Variants in BCAS3 observed in about 807,000 individuals in gnomAD.
BCAS3 encodes the protein BCAS3 microtubule associated cell migration factor, also known as BCAS4/BCAS3 fusion.
In BCAS3, 53 loss-of-function variants were observed where a neutral mutation model predicts 116.1. The observed-to-expected ratio is 0.46, with a 90% CI of 0.37 to 0.57. The LOEUF (loss-of-function observed/expected upper bound fraction) is 0.57. Ranked by LOEUF, BCAS3 falls within the 20% of genes least tolerant of loss-of-function variation. The pLI is 0.00. For synonymous variants in BCAS3, 391 were observed against 408.2 expected, an observed-to-expected ratio of 0.96 and a Z score of 0.51; for missense variants, 917 against 1,165.4, an observed-to-expected ratio of 0.79 and a Z score of 3.10.
intron 7 of BCAS3, among the ~76,000 whole-genome samples, chr17:60,858,710 A>C (rs942652212): frequency 3.9e-5 from 6 of 152,148 alleles, no homozygotes; most frequent in African/African-American, 1.4e-4. Flanking sequence ...TCCAGCAGTA[A>C]TGTGTGAGGG....
rs2082411248 is a variant in BCAS3 at position 61,227,126 on chromosome 17, A to G, written c.2426-141201A>G. ...TTAAGCTGATGTTACGCGGTTAGCC[A>G]GAATGAACTGATTTTGGCTAGAGCC... is the stretch of plus-strand genomic sequence containing the variant. On this transcript the variant is annotated intron_variant, in intron 22 of 23. Transcript: ENST00000407086. This position sits in a 1 kb window ranked among gnomAD's most constrained non-coding sequence, Gnocchi z 6.1. 6.6e-6 allele frequency among the ~76,000 whole-genome samples: 1 copy of G among 152,222 alleles called. No homozygotes were observed. The highest frequency in any genetic ancestry group is 1.5e-5 in the Non-Finnish European group (1 of 68,036).
At position 61,279,097 on chromosome 17, in the gene BCAS3, C is replaced by T. The variant is rs1455507463; in HGVS notation, c.2426-89230C>T. Among the ~76,000 whole-genome samples the T allele has an allele frequency of 6.6e-6, 1 of 151,942 alleles. No homozygotes were observed. Among genetic ancestry groups the T allele is most frequent in the Non-Finnish European group, 1.5e-5 (1 of 67,998 alleles). ...GAGTAGCTGGGATTACAGGCATGTG[C>T]CACCATGCCTGGCTAATTTTTGTAT... On this transcript the variant is annotated intron_variant, in intron 22 of 23. Transcript: ENST00000407086. This position sits in a 1 kb window ranked among gnomAD's most constrained non-coding sequence, Gnocchi z 4.4.
intron 6 of BCAS3, among the ~76,000 whole-genome samples, chr17:60,770,773 CTG>C (rs1457364109): frequency 4.1e-5 from 6 of 147,470 alleles, no homozygotes; most frequent in African/African-American, 1.5e-4. Flanking sequence ...TGGTTCCTCT[CTG>C]TGGAGGAGGT....
chr17:61,071,359 A>G (rs2071410955), intron 19 of BCAS3, among the ~76,000 whole-genome samples: 1 of 152,216 alleles, frequency 6.6e-6, no homozygotes. Flanking sequence ...TTAAAGAATA[A>G]TGTAGATTCT....
chr17:60,893,502 T>A (rs960991868), intron 10 of BCAS3, among the ~76,000 whole-genome samples: 1 of 152,074 alleles, frequency 6.6e-6, no homozygotes, highest in Admixed American at 6.5e-5. Flanking sequence ...GTGTCCCTTC[T>A]CCATTGTGTA....
intron 6 of BCAS3, among the ~76,000 whole-genome samples, chr17:60,764,390 G>A (rs1257667901): frequency 6.6e-6 from 1 of 152,100 alleles, no homozygotes; most frequent in Non-Finnish European, 1.5e-5. Context: ...ATTCTTGTAT[G>A]TTGTGTCTTT....
intron 22 of BCAS3, among the ~76,000 whole-genome samples, chr17:61,138,750 A>G (rs1285790353): frequency 6.6e-6 from 1 of 152,176 alleles, no homozygotes; most frequent in African/African-American, 2.4e-5. Context: ...TTGGCTCTTG[A>G]TCCAAATGAC....
intron 7 of BCAS3, among the ~76,000 whole-genome samples, chr17:60,859,422 A>G (rs899172460): frequency 6.6e-6 from 1 of 151,992 alleles, no homozygotes; most frequent in Admixed American, 6.6e-5. Flanking sequence ...TTTAGCTCCC[A>G]CTTAGAAGTG....
rs185380961 is a variant in BCAS3 at position 61,382,346 on chromosome 17, C to T, written c.2594-9631C>T. On this transcript the variant is annotated intron_variant, in intron 23 of 23. Coordinates refer to ENST00000407086, the MANE Select transcript of BCAS3 (RefSeq NM_017679.5). Reference sequence around the variant, plus strand: ...CACGACCTCAGCTCACTGCAATGTCCGCCTCCCAGGTTCAAGGGATTCTCC... The same window carrying T: ...CACGACCTCAGCTCACTGCAATGTCTGCCTCCCAGGTTCAAGGGATTCTCC... Among the ~76,000 whole-genome samples, 82 of 151,346 alleles carry T rather than the reference C, an allele frequency of 5.4e-4. 1 individual carries two copies. Among genetic ancestry groups the T allele is most frequent in the South Asian group, 3.6e-3 (17 of 4,766 alleles).
chr17:60,723,438 C>T (rs1317327260), intron 5 of BCAS3, among the ~76,000 whole-genome samples: 1 of 152,004 alleles, frequency 6.6e-6, no homozygotes, highest in Non-Finnish European at 1.5e-5. Flanking sequence ...GTTGGCCAGG[C>T]TCTTCTCAAA....
Position 61,176,561 on chromosome 17 carries a change from T to G in BCAS3, c.2425+91997T>G, listed in dbSNP as rs138574404. Among the ~76,000 whole-genome samples the G allele has an allele frequency of 8.1e-3, 1,129 of 138,666 alleles. 8 individuals carry two copies. Among genetic ancestry groups the G allele is most frequent in the African/African-American group, 0.028 (1,023 of 36,462 alleles). 91.0% of individuals were successfully genotyped at this position (138,666 alleles called of 152,430 possible). A position where few individuals can be genotyped will look rare whatever the true frequency, so the allele number is the denominator to read the frequency against. On this transcript the variant is annotated intron_variant, in intron 22 of 23. Coordinates refer to ENST00000407086, the MANE Select transcript of BCAS3 (RefSeq NM_017679.5). ...TTTATTTATTTATTTATTTATTTAT[T>G]TATTTATGTATTTAGAGAGATGGTC...
chr17:60,851,187 C>T (rs935516465), intron 7 of BCAS3, among the ~76,000 whole-genome samples: 3 of 152,146 alleles, frequency 2.0e-5, no homozygotes, highest in Non-Finnish European at 2.9e-5. Flanking sequence ...GTGAAAGACA[C>T]GTCTGACTAA....
Position 61,084,481 on chromosome 17 carries a change from G to A in BCAS3, c.2342G>A (p.Arg781His), listed in dbSNP as rs1327255415. 6.8e-6 allele frequency: 11 copies of A among 1,613,602 alleles called. No homozygotes were observed. The highest frequency in any genetic ancestry group is 3.3e-5 in the South Asian group (3 of 91,014). The change falls in exon 22 of 24, where the codon CGC becomes CAC. Residue 781 changes from arginine to histidine, a missense_variant. Coordinates refer to ENST00000407086, the MANE Select transcript of BCAS3 (RefSeq NM_017679.5). This position sits in a 1 kb window ranked among gnomAD's most constrained non-coding sequence, Gnocchi z 5.5. ...DLNSLRIQPV[R>H]SDPVSMPGSS... ...TTGCATTGCAGGATCCAGCCAGTCC[G>A]CTCTGACCCCGTCAGCATGCCAGGG...
At chr17:61,170,812 A>G (rs2078800900) in intron 22 of BCAS3, among the ~76,000 whole-genome samples, 1 of 152,144 alleles carries the variant, frequency 6.6e-6, no homozygotes, top group African/African-American at 2.4e-5. Context: ...CTCACAGGGC[A>G]GAGTCCCCGA....
At chr17:60,825,568 A>T (rs2050333603) in intron 7 of BCAS3, among the ~76,000 whole-genome samples, 2 of 142,272 alleles carry the variant, frequency 1.4e-5, no homozygotes, top group South Asian at 4.3e-4. Context: ...ATTTATAAAT[A>T]ATTATTATTT....
At chr17:60,764,032 C>A (rs935593048) in intron 6 of BCAS3, among the ~76,000 whole-genome samples, 4 of 152,148 alleles carry the variant, frequency 2.6e-5, no homozygotes, top group African/African-American at 9.6e-5. Context: ...TCTGTGGGAT[C>A]GCTGGTGAGA....
Position 61,034,580 on chromosome 17 carries a change from T to G in BCAS3, c.1638-86T>G. 2 of 1,245,294 alleles carry G rather than the reference T, an allele frequency of 1.6e-6. No homozygotes were observed. The highest frequency in any genetic ancestry group is 2.2e-6 in the Non-Finnish European group (2 of 905,400). The allele number at this position is 1,245,294 out of a possible 1,614,324, so 77.1% of individuals were successfully genotyped here. A position where few individuals can be genotyped will look rare whatever the true frequency, so the allele number is the denominator to read the frequency against. ...TCATACTGGAGGATTTGAATAGGGG[T>G]GGAATTTAAAGGAAAAACTGTCATT... On this transcript the variant is annotated intron_variant, in intron 16 of 23. Coordinates refer to ENST00000407086, the MANE Select transcript of BCAS3 (RefSeq NM_017679.5). The surrounding 1 kb of genome is among the most constrained non-coding windows in gnomAD (Gnocchi z 5.0).
At chr17:61,157,095 T>C (rs970715528) in intron 22 of BCAS3, among the ~76,000 whole-genome samples, 1 of 152,206 alleles carries the variant, frequency 6.6e-6, no homozygotes, top group African/African-American at 2.4e-5. Context: ...GGATTAATTT[T>C]AACTTTTCTT....
rs887273882 is a variant in BCAS3, at chr17:61,265,619, G to A, written c.2426-102708G>A. Reference sequence around the variant, plus strand: ...CTTTACGTAAGGATTGCCAATTCATGCCCAAACTTAGTGAAGCAAGCTCAC... The same window carrying A: ...CTTTACGTAAGGATTGCCAATTCATACCCAAACTTAGTGAAGCAAGCTCAC... On this transcript the variant is annotated intron_variant, in intron 22 of 23. Transcript: ENST00000407086. This position sits in a 1 kb window ranked among gnomAD's most constrained non-coding sequence, Gnocchi z 4.3. Among the ~76,000 whole-genome samples the A allele has an allele frequency of 6.6e-6, 1 of 152,146 alleles. No homozygotes were observed. The highest frequency in any genetic ancestry group is 1.5e-5 in the Non-Finnish European group (1 of 68,022).
Sources: allele counts gnomAD v4.1 joint callset (sites outside exome capture counted in the v4.1 genomes callset), GRCh38; gene constraint gnomAD v4.1.1; non-coding constraint Gnocchi (gnomAD v3.1); transcripts MANE v1.5; gene names NCBI Gene and HGNC (gene_info 2026-07-23, HGNC 2026-07-21).